MGAT4C: variants seen among roughly 807,000 people sequenced by gnomAD.
The protein encoded by MGAT4C is MGAT4 family member C, also known as alpha-1,3-mannosyl-glycoprotein 4-beta-N-acetylglucosaminyltransferase C.
Under a neutral mutation model 40.1 loss-of-function variants are expected in MGAT4C, and 19 were observed. The ratio of observed to expected loss-of-function variants is 0.47; its 90% confidence interval spans 0.33 to 0.70. The LOEUF is 0.70. Among genes scored for constraint, MGAT4C ranks in the 30% least tolerant of loss-of-function variants. The probability of loss-of-function intolerance (pLI) is 0.02; values close to 1 mark genes in which losing one functional copy is unlikely to be tolerated. For synonymous variants in MGAT4C, 181 were observed against 187.1 expected (o/e 0.97, Z 0.27); for missense variants, 491 against 563.2 (o/e 0.87, Z 1.30).
chr12:86,487,886 T>C (rs1337126815), intron 2 of MGAT4C, among the ~76,000 whole-genome samples: 1 of 152,198 alleles, frequency 6.6e-6, no homozygotes, highest in Non-Finnish European at 1.5e-5. Context: ...CCTTACTTTC[T>C]TAACATCATA....
intron 2 of MGAT4C, among the ~76,000 whole-genome samples, chr12:86,644,380 T>G (rs981364498): frequency 2.0e-5 from 3 of 151,248 alleles, no homozygotes; most frequent in Admixed American, 1.3e-4. Flanking sequence ...CAAGTTAAGA[T>G]GAAAACTATG....
At chr12:86,520,189 T>C (rs977164741) in intron 2 of MGAT4C, among the ~76,000 whole-genome samples, 1 of 152,138 alleles carries the variant, frequency 6.6e-6, no homozygotes, top group African/African-American at 2.4e-5. Context: ...TAGTAATCAT[T>C]AGTTATTTTT....
chr12:86,224,845 A>T (rs190087477), intron 1 of MGAT4C, among the ~76,000 whole-genome samples: 1 of 152,198 alleles, frequency 6.6e-6, no homozygotes, highest in Non-Finnish European at 1.5e-5. Flanking sequence ...GTAGAAATAT[A>T]TCAAATAACA....
chr12:86,230,691 A>G (rs2471562), intron 1 of MGAT4C, among the ~76,000 whole-genome samples: 128,636 of 152,026 alleles, frequency 0.85, 54,547 homozygotes, highest in East Asian at 0.95. Flanking sequence ...GCACTTTCAT[A>G]TGTTTATATG....
chr12:86,495,235 A>C (rs61950781), intron 2 of MGAT4C: 14,126 of 152,146 alleles, frequency 0.093, 895 homozygotes, highest in Middle Eastern at 0.24. Context: ...GTATATAGTA[A>C]AATTATGGAA....
intron 1 of MGAT4C, among the ~76,000 whole-genome samples, chr12:86,218,071 C>T (rs1950739962): frequency 6.6e-6 from 1 of 151,348 alleles, no homozygotes; most frequent in East Asian, 1.9e-4. Context: ...GAGCATTAGT[C>T]GGCTTTTTAC....
At chr12:86,228,261 A>G (rs148696159) in intron 1 of MGAT4C, among the ~76,000 whole-genome samples, 3 of 151,874 alleles carry the variant, frequency 2.0e-5, no homozygotes, top group Non-Finnish European at 4.4e-5. Flanking sequence ...TCTAATAGAA[A>G]GAGAGGATAA....
chr12:86,711,692 A>G (rs939783003), intron 2 of MGAT4C, among the ~76,000 whole-genome samples: 2 of 152,196 alleles, frequency 1.3e-5, no homozygotes, highest in Non-Finnish European at 2.9e-5. Context: ...AAATTTAGTT[A>G]TTAAGCTGAT....
intron 3 of MGAT4C, among the ~76,000 whole-genome samples, chr12:86,380,062 A>G (rs932191424): frequency 6.6e-6 from 1 of 152,150 alleles, no homozygotes; most frequent in African/African-American, 2.4e-5. Flanking sequence ...AAGACTAGAA[A>G]TGAGTAGGAC....
chr12:86,465,619 T>C (rs1312493663), intron 2 of MGAT4C, among the ~76,000 whole-genome samples: 5 of 151,906 alleles, frequency 3.3e-5, no homozygotes, highest in African/African-American at 1.2e-4. Context: ...ACAAAGAGCA[T>C]ATGAAAAGAT....
intron 4 of MGAT4C, among the ~76,000 whole-genome samples, chr12:86,287,787 G>C (rs183131121): frequency 6.6e-6 from 1 of 152,086 alleles, no homozygotes; most frequent in Non-Finnish European, 1.5e-5. Context: ...CTTTGCTATC[G>C]TGAGCAATGC....
At chr12:86,824,558 C>A (rs769594812) in intron 1 of MGAT4C, among the ~76,000 whole-genome samples, 4 of 151,158 alleles carry the variant, frequency 2.6e-5, no homozygotes, top group Admixed American at 1.3e-4. Flanking sequence ...GTATTCCCTG[C>A]AGATGAGATG....
chr12:86,651,772 C>CT (rs1963705241), intron 2 of MGAT4C, among the ~76,000 whole-genome samples: 1 of 151,792 alleles, frequency 6.6e-6, no homozygotes, highest in South Asian at 2.1e-4. Flanking sequence ...TTTAGACTAA[C>CT]ACTGTAATCT....
chr12:86,768,797 G>A (rs1434663818), intron 1 of MGAT4C, among the ~76,000 whole-genome samples: 20 of 152,110 alleles, frequency 1.3e-4, no homozygotes, highest in East Asian at 9.6e-4. Flanking sequence ...AATGGTGCTG[G>A]GAAAACTGGC....
chr12:86,388,675 G>GTTTTTTTT (rs752469980), intron 3 of MGAT4C, among the ~76,000 whole-genome samples: 233 of 98,478 alleles, frequency 2.4e-3, no homozygotes, highest in African/African-American at 7.6e-3. Flanking sequence ...AGCGTTTTTT[G>GTTTTTTTT]TTTTTTTTTT....
chr12:86,536,863 A>G (rs1959078797), intron 2 of MGAT4C, among the ~76,000 whole-genome samples: 1 of 152,232 alleles, frequency 6.6e-6, no homozygotes. Flanking sequence ...CCATCCCATT[A>G]CTGGGTATAT....
In MGAT4C at chr12:85,970,002, A is replaced by G. The variant is rs1271849099; in HGVS notation, c.*9287T>C. 6.6e-6 allele frequency: 1 copy of G among 151,324 alleles called. No homozygotes were observed. Among genetic ancestry groups the G allele is most frequent in the Non-Finnish European group, 1.5e-5 (1 of 67,462 alleles). 9.4% of individuals were successfully genotyped at this position (151,324 alleles called of 1,614,324 possible). A position where few individuals can be genotyped will look rare whatever the true frequency, so the allele number is the denominator to read the frequency against. ...TGAGCTTACATTAAGTGATCTGTAA[A>G]TTAGAAGTTATTTGTTATATTTGTT... On this transcript the variant is annotated 3_prime_UTR_variant, in exon 5 of 5. Coordinates refer to ENST00000611864, the MANE Select transcript of MGAT4C (RefSeq NM_001351288.2).
intron 1 of MGAT4C, among the ~76,000 whole-genome samples, chr12:86,812,153 G>C (rs1295883546): frequency 6.6e-6 from 1 of 152,058 alleles, no homozygotes. Context: ...GTCATTGTTG[G>C]CAGGGGACAC....
chr12:86,581,002 T>A (rs548331123), intron 2 of MGAT4C, among the ~76,000 whole-genome samples: 1 of 151,526 alleles, frequency 6.6e-6, no homozygotes. Context: ...TGTGCTGGCA[T>A]AGTGGGTTGG....
Sources: gnomAD v4.1 joint callset for allele counts (sites outside exome capture counted in the v4.1 genomes callset) on GRCh38, gnomAD v4.1.1 for gene constraint, MANE v1.5 for transcripts, NCBI Gene and HGNC (gene_info 2026-07-23, HGNC 2026-07-21) for gene names.